SH3PXD2A: variants seen among roughly 807,000 people sequenced by gnomAD.
SH3PXD2A encodes the protein SH3 and PX domain-containing protein 2A.
SH3PXD2A carries 32 observed loss-of-function variants against 115.2 expected under a neutral mutation model. The observed-to-expected ratio is 0.28, with a 90% CI of 0.21 to 0.37. The LOEUF is 0.37. Ranked by LOEUF, SH3PXD2A falls within the 10% of genes least tolerant of loss-of-function variation. The pLI is 1.00. For missense variants in SH3PXD2A, 1,328 were observed against 1,498.7 expected (o/e 0.89, Z 1.88); for synonymous variants, 610 against 629.1 (o/e 0.97, Z 0.45).
At chr10:103,670,390 T>C (rs948770021) in intron 6 of SH3PXD2A, among the ~76,000 whole-genome samples, 1 of 152,184 alleles carries the variant, frequency 6.6e-6, no homozygotes. Flanking sequence ...TAATATGTAA[T>C]AGTGCCCAGT....
chr10:103,812,428 G>A lies in SH3PXD2A; in HGVS notation c.73-11066C>T, dbSNP rs77416964. ...AAATTAAACAAATATATCCTCTCCT[G>A]AGCCATCAAAAAAATTACACTCCTG... On this transcript the variant is annotated intron_variant, in intron 1 of 14. Transcript: ENST00000369774. 9.5e-3 allele frequency among the ~76,000 whole-genome samples: 1,453 copies of A among 152,242 alleles called. 24 individuals carry two copies. The highest frequency in any genetic ancestry group is 0.03 in the African/African-American group (1,245 of 41,530).
At chr10:103,614,960 C>G (rs997280329) in intron 11 of SH3PXD2A, among the ~76,000 whole-genome samples, 1 of 152,130 alleles carries the variant, frequency 6.6e-6, no homozygotes, top group Non-Finnish European at 1.5e-5. Flanking sequence ...GATTGGGAGG[C>G]AGAGGTGAGT....
intron 1 of SH3PXD2A, among the ~76,000 whole-genome samples, chr10:103,832,275 AT>A (rs1184035025): frequency 6.6e-6 from 1 of 152,118 alleles, no homozygotes; most frequent in Non-Finnish European, 1.5e-5. Flanking sequence ...ATACATAGCA[AT>A]AAAAATCATT....
intron 8 of SH3PXD2A, among the ~76,000 whole-genome samples, chr10:103,633,162 A>C (rs2036808017): frequency 6.6e-6 from 1 of 152,226 alleles, no homozygotes; most frequent in Non-Finnish European, 1.5e-5. Context: ...TCAAGCCTGT[A>C]ATCCCAGCAC....
chr10:103,808,664 T>C (rs534435260), intron 1 of SH3PXD2A, among the ~76,000 whole-genome samples: 1 of 152,300 alleles, frequency 6.6e-6, no homozygotes, highest in South Asian at 2.1e-4. Context: ...GTGGTGCTCA[T>C]AGTATGCTTT....
chr10:103,631,986 TC>T (rs1345690255), intron 8 of SH3PXD2A, among the ~76,000 whole-genome samples: 3 of 152,030 alleles, frequency 2.0e-5, no homozygotes, highest in Non-Finnish European at 2.9e-5. Flanking sequence ...CGGTTCTGGT[TC>T]CCATGTCTCA....
chr10:103,786,534 G>T (rs1351186173), intron 2 of SH3PXD2A, among the ~76,000 whole-genome samples: 3 of 152,096 alleles, frequency 2.0e-5, no homozygotes, highest in Non-Finnish European at 2.9e-5. Context: ...CAGCACAGTG[G>T]TGCACACTTG....
intron 2 of SH3PXD2A, among the ~76,000 whole-genome samples, chr10:103,790,541 C>T (rs1339827400): frequency 3.3e-5 from 5 of 152,174 alleles, no homozygotes; most frequent in African/African-American, 1.2e-4. Context: ...CCTGCTGTCA[C>T]TTGCTGTGAT....
At chr10:103,841,716 C>T (rs1326492921) in intron 1 of SH3PXD2A, among the ~76,000 whole-genome samples, 1 of 152,152 alleles carries the variant, frequency 6.6e-6, no homozygotes, top group Non-Finnish European at 1.5e-5. Flanking sequence ...CCTGTTGTTC[C>T]CTCTCCCTCA....
At chr10:103,678,173 C>T (rs761855903) in intron 6 of SH3PXD2A, 2 of 1,288,648 alleles carry the variant, frequency 1.6e-6, no homozygotes, top group Non-Finnish European at 2.0e-6. Flanking sequence ...CTGGGGGGAG[C>T]AGGGCTTGGT....
chr10:103,696,021 G>A (rs2037820489), intron 5 of SH3PXD2A, among the ~76,000 whole-genome samples: 1 of 152,206 alleles, frequency 6.6e-6, no homozygotes, highest in Non-Finnish European at 1.5e-5. Context: ...TTGCTCTGAG[G>A]CTCAAGACAA....
At chr10:103,606,053 C>T (rs1345728041) in intron 13 of SH3PXD2A, 136 bp from the exon 14 acceptor site, 3 of 793,918 alleles carry the variant, frequency 3.8e-6, no homozygotes, top group Admixed American at 2.5e-5. Context: ...GGCCTGAGTA[C>T]GTATCTATCA....
chr10:103,636,829 C>A (rs538328297), intron 8 of SH3PXD2A, among the ~76,000 whole-genome samples: 44 of 152,300 alleles, frequency 2.9e-4, no homozygotes, highest in Admixed American at 7.2e-4. Flanking sequence ...AACCTCCCAG[C>A]CCTGTTCAGC....
chr10:103,626,370 G>A (rs1441365290), intron 9 of SH3PXD2A, among the ~76,000 whole-genome samples: 3 of 152,188 alleles, frequency 2.0e-5, no homozygotes, highest in Non-Finnish European at 4.4e-5. Context: ...CCCACCAACC[G>A]TTAGGGAAAG....
Position 103,602,355 on chromosome 10 carries a change from C to T in SH3PXD2A, c.2863G>A (p.Gly955Arg), listed in dbSNP as rs138239379. Reference sequence around the variant, plus strand: ...GTGCCTGAGGTCTTGCCGAAGCCCCCGGGAGGTTTGGAGGGGATGGGGGGC... The same window carrying T: ...GTGCCTGAGGTCTTGCCGAAGCCCCTGGGAGGTTTGGAGGGGATGGGGGGC... ...ATPPIPSKPP[G>R]GFGKTSGTPA... is the part of the protein sequence containing the mutation. The change falls in exon 15 of 15, where the codon GGG becomes AGG. Residue 955 changes from glycine to arginine, a missense_variant. Physicochemically the swap from Gly to Arg is moderately radical, Grantham distance 125. Transcript: ENST00000369774. 2.0e-5 allele frequency: 33 copies of T among 1,613,388 alleles called. No homozygotes were observed. The highest frequency in any genetic ancestry group is 3.3e-5 in the South Asian group (3 of 90,988).
intron 11 of SH3PXD2A, among the ~76,000 whole-genome samples, chr10:103,614,931 C>T (rs1202331758): frequency 6.6e-6 from 1 of 152,136 alleles, no homozygotes; most frequent in Non-Finnish European, 1.5e-5. Context: ...GCAGGCTGAG[C>T]CAAGCTCGCC....
intron 1 of SH3PXD2A, among the ~76,000 whole-genome samples, chr10:103,820,536 G>A (rs74490785): frequency 0.037 from 5,589 of 152,190 alleles, 347 homozygotes; most frequent in African/African-American, 0.13. Flanking sequence ...CCCCCTCAAA[G>A]TCACGTCATC....
intron 6 of SH3PXD2A, among the ~76,000 whole-genome samples, chr10:103,676,352 T>G (rs1221116932): frequency 6.6e-6 from 1 of 152,086 alleles, no homozygotes; most frequent in African/African-American, 2.4e-5. Flanking sequence ...GCAGTTTCCC[T>G]GCTCAGGCGG....
chr10:103,835,648 C>T (rs1225506886), intron 1 of SH3PXD2A, among the ~76,000 whole-genome samples: 2 of 152,152 alleles, frequency 1.3e-5, no homozygotes, highest in African/African-American at 4.8e-5. Flanking sequence ...AACTCAAGGA[C>T]GTCCTGGTCT....
Sources: gnomAD v4.1 joint callset for allele counts (sites outside exome capture counted in the v4.1 genomes callset) on GRCh38, gnomAD v4.1.1 for gene constraint, MANE v1.5 for transcripts, NCBI Gene and HGNC (gene_info 2026-07-23, HGNC 2026-07-21) for gene names.